ICA1L: variants seen among roughly 807,000 people sequenced by gnomAD.
The protein encoded by ICA1L is islet cell autoantigen 1 like.
ICA1L carries 50 observed loss-of-function variants against 61.3 expected under a neutral mutation model. The observed-to-expected ratio is 0.82, with a 90% CI of 0.65 to 1.03. ICA1L has a LOEUF of 1.03. Among genes scored for constraint, ICA1L ranks in the 50% least tolerant of loss-of-function variants. The pLI is 0.00. For missense variants in ICA1L, 508 were observed against 556.7 expected (o/e 0.91, Z 0.88); for synonymous variants, 161 against 191.3 (o/e 0.84, Z 1.31).
chr2:202,779,546 A>T lies in ICA1L; in HGVS notation c.1436T>A (p.Leu479His). Residue 479 changes from leucine to histidine, a missense_variant, in exon 13 of 13, where the codon CTT becomes CAT. By Grantham distance (99) the Leu-to-His change is moderately conservative (BLOSUM62 -3). Coordinates refer to ENST00000358299, the MANE Select transcript of ICA1L (RefSeq NM_001288622.3). Reference sequence around the variant, plus strand: ...TTATAACTTCAGTCAAGCATTAAGAAGTTCATCATCTGAGTGTCCAATAGC... The same window carrying T: ...TTATAACTTCAGTCAAGCATTAAGATGTTCATCATCTGAGTGTCCAATAGC... ...PDAIGHSDDE[L>H]LNA The T allele has an allele frequency of 6.3e-7, 1 of 1,598,896 alleles. No individual in the cohort carries two copies. The highest frequency in any genetic ancestry group is 2.2e-5 in the East Asian group (1 of 44,774).
chr2:202,816,191 C>T (rs548048059), intron 6 of ICA1L, among the ~76,000 whole-genome samples, 182 bp from the exon 7 acceptor site: 10 of 152,280 alleles, frequency 6.6e-5, no homozygotes, highest in South Asian at 2.1e-4. Context: ...GCAAAAGAAT[C>T]GGCATCTGTG....
intron 1 of ICA1L, chr2:202,841,513 G>T (rs573743889): frequency 9.5e-6 from 7 of 737,864 alleles, no homozygotes; most frequent in African/African-American, 5.1e-5. Context: ...GGGTGCACAC[G>T]GCCTGGATGT....
At chr2:202,853,597 G>T (rs191799314) in intron 1 of ICA1L, among the ~76,000 whole-genome samples, 3 of 151,832 alleles carry the variant, frequency 2.0e-5, no homozygotes, top group East Asian at 3.9e-4. Flanking sequence ...GAAAATTTTT[G>T]CAATCTACTC....
intron 1 of ICA1L, among the ~76,000 whole-genome samples, chr2:202,843,469 T>C (rs1694382577): frequency 6.6e-6 from 1 of 152,310 alleles, no homozygotes; most frequent in Admixed American, 6.5e-5. Flanking sequence ...ACTGCTAAGA[T>C]CACCCCAATC....
At chr2:202,863,934 CTTAAG>C (rs1189104897) in intron 1 of ICA1L, among the ~76,000 whole-genome samples, 2 of 151,842 alleles carry the variant, frequency 1.3e-5, no homozygotes, top group Non-Finnish European at 1.5e-5. Context: ...GATTCTACAA[CTTAAG>C]TTAAATAGAC....
intron 4 of ICA1L, 175 bp from the exon 5 acceptor site, chr2:202,820,074 T>A: frequency 1.7e-6 from 1 of 603,328 alleles, no homozygotes; most frequent in South Asian, 2.0e-5. Flanking sequence ...AACTCTGAAT[T>A]ATCAATAAAG....
chr2:202,861,629 G>C lies in ICA1L; in HGVS notation c.-8+9990C>G, dbSNP rs910946765. On this transcript the variant is annotated intron_variant, in intron 1 of 12. Coordinates refer to ENST00000358299, the MANE Select transcript of ICA1L (RefSeq NM_001288622.3). ...AGGCCAGGTGCAGTGGCTCACACCT[G>C]TAATCCCAGAACTTTGGGAGGCTGA... 6.6e-5 allele frequency among the ~76,000 whole-genome samples: 10 copies of C among 151,968 alleles called. No homozygotes were observed. The East Asian group carries it at 1.9e-3, about 29-fold the overall frequency.
chr2:202,824,722 G>C (rs867296972), intron 3 of ICA1L, among the ~76,000 whole-genome samples: 19 of 152,124 alleles, frequency 1.2e-4, no homozygotes, highest in Non-Finnish European at 2.5e-4. Flanking sequence ...GGTGTGATTA[G>C]AGAGGTAGCC....
intron 1 of ICA1L, among the ~76,000 whole-genome samples, chr2:202,867,017 T>C (rs1687536774): frequency 6.6e-6 from 1 of 152,106 alleles, no homozygotes; most frequent in Non-Finnish European, 1.5e-5. Flanking sequence ...TCTTAGACTA[T>C]TTAAAACATG....
In ICA1L at chr2:202,855,847, G is replaced by A. The variant is rs371308059; in HGVS notation, c.-8+15772C>T. The stretch of plus-strand genomic sequence containing the variant: ...TCCCAGCACTCTGGGAGGCCAAGGC[G>A]GGCAGATCACAAGGTCAGGAGTTCA... On this transcript the variant is annotated intron_variant, in intron 1 of 12. Coordinates refer to ENST00000358299, the MANE Select transcript of ICA1L (RefSeq NM_001288622.3). Among the ~76,000 whole-genome samples the A allele has an allele frequency of 5.9e-5, 9 of 152,158 alleles. No homozygotes were observed. In the South Asian group the frequency reaches 1.0e-3, roughly 18 times the overall value.
At chr2:202,789,615 C>G (rs566882378) in intron 10 of ICA1L, among the ~76,000 whole-genome samples, 139 of 152,234 alleles carry the variant, frequency 9.1e-4, no homozygotes, top group Non-Finnish European at 1.8e-3. Context: ...ACAACATGCT[C>G]TGATCATAAT....
At chr2:202,780,323 T>C (rs999153562) in intron 12 of ICA1L, among the ~76,000 whole-genome samples, 1 of 152,246 alleles carries the variant, frequency 6.6e-6, no homozygotes, top group Non-Finnish European at 1.5e-5. Context: ...TAAAACTTTT[T>C]GATGTGCGCA....
At chr2:202,834,738 T>C (rs1372232327) in intron 1 of ICA1L, among the ~76,000 whole-genome samples, 3 of 152,240 alleles carry the variant, frequency 2.0e-5, no homozygotes, top group African/African-American at 7.2e-5. Flanking sequence ...ACTCATTCTT[T>C]ACCACCTCAC....
chr2:202,794,471 ATAT>A (rs1291135614), intron 10 of ICA1L, among the ~76,000 whole-genome samples: 5 of 152,276 alleles, frequency 3.3e-5, no homozygotes, highest in Non-Finnish European at 5.9e-5. Context: ...TAGTTCAGAA[ATAT>A]TATAGGCATT....
intron 11 of ICA1L, among the ~76,000 whole-genome samples, 181 bp from the exon 12 acceptor site, chr2:202,786,188 T>C (rs1238812040): frequency 1.3e-5 from 2 of 152,208 alleles, no homozygotes; most frequent in East Asian, 1.9e-4. Flanking sequence ...TAGTTTCAGA[T>C]AGAGTTGGAT....
chr2:202,856,626 G>T (rs983540333), intron 1 of ICA1L, among the ~76,000 whole-genome samples: 1 of 152,092 alleles, frequency 6.6e-6, no homozygotes, highest in Non-Finnish European at 1.5e-5. Flanking sequence ...GGAAGTTCTG[G>T]CCAGGGCAAT....
At chr2:202,823,131 A>AC (rs1292206235) in intron 3 of ICA1L, among the ~76,000 whole-genome samples, 1 of 152,172 alleles carries the variant, frequency 6.6e-6, no homozygotes, top group East Asian at 1.9e-4. Flanking sequence ...ACTGAAGCTT[A>AC]CCTTTATCAT....
At chr2:202,842,805 A>T (rs1694367634) in intron 1 of ICA1L, among the ~76,000 whole-genome samples, 1 of 152,112 alleles carries the variant, frequency 6.6e-6, no homozygotes, top group African/African-American at 2.4e-5. Flanking sequence ...TTTTGAGAAA[A>T]TCTTATAAGC....
intron 4 of ICA1L, among the ~76,000 whole-genome samples, chr2:202,820,189 C>G (rs1239847036): frequency 6.6e-6 from 1 of 152,136 alleles, no homozygotes; most frequent in South Asian, 2.1e-4. Flanking sequence ...GCCTGGCCAA[C>G]ACGGCGAAAC....
Sources: allele counts gnomAD v4.1 joint callset (sites outside exome capture counted in the v4.1 genomes callset), GRCh38; gene constraint gnomAD v4.1.1; transcripts MANE v1.5; gene names NCBI Gene and HGNC (gene_info 2026-07-23, HGNC 2026-07-21).